Variants in NKAIN3 observed in about 807,000 individuals in gnomAD.
The protein encoded by NKAIN3 is sodium/potassium-transporting ATPase subunit beta-1-interacting protein 3.
In NKAIN3, 25 loss-of-function variants were observed where a neutral mutation model predicts 30.2. That is an observed-to-expected ratio of 0.83 (90% confidence interval 0.60 to 1.16). The LOEUF is 1.16. Ranked by LOEUF, NKAIN3 falls within the 50% of genes most tolerant of loss-of-function variation. The probability of loss-of-function intolerance (pLI) is 0.00; values close to 1 mark genes in which losing one functional copy is unlikely to be tolerated. For missense variants in NKAIN3, 225 were observed against 254.1 expected, an observed-to-expected ratio of 0.89 and a Z score of 0.78; for synonymous variants, 91 against 89.6, an observed-to-expected ratio of 1.02 and a Z score of -0.09.
intron 1 of NKAIN3, among the ~76,000 whole-genome samples, chr8:62,539,575 TTTTG>T (rs915019042): frequency 2.0e-4 from 30 of 152,168 alleles, no homozygotes; most frequent in Admixed American, 3.3e-4. Context: ...TGGGTGGTGT[TTTTG>T]TTTGTTTGTT....
At chr8:62,517,925 T>G (rs764357228) in intron 1 of NKAIN3, among the ~76,000 whole-genome samples, 4 of 146,402 alleles carry the variant, frequency 2.7e-5, no homozygotes, top group Non-Finnish European at 5.9e-5. Context: ...TGTATCTGTA[T>G]CTATATATAT....
chr8:62,450,728 T>C (rs1319380409), intron 1 of NKAIN3, among the ~76,000 whole-genome samples: 2 of 151,612 alleles, frequency 1.3e-5, no homozygotes, highest in Non-Finnish European at 2.9e-5. Context: ...TGTTGTGTAG[T>C]CTGAGATTCT....
intron 1 of NKAIN3, among the ~76,000 whole-genome samples, chr8:62,346,878 C>G (rs1462042430): frequency 3.3e-5 from 5 of 152,082 alleles, no homozygotes; most frequent in Admixed American, 2.0e-4. Flanking sequence ...GCTAAGTAGC[C>G]TACTCGAGGA....
intron 4 of NKAIN3, among the ~76,000 whole-genome samples, chr8:62,748,763 T>C (rs1484732518): frequency 6.6e-6 from 1 of 152,214 alleles, no homozygotes; most frequent in African/African-American, 2.4e-5. Context: ...AGAAAGGGAT[T>C]GCACCTTGAT....
At chr8:62,402,753 T>C (rs893569629) in intron 1 of NKAIN3, among the ~76,000 whole-genome samples, 7 of 152,156 alleles carry the variant, frequency 4.6e-5, no homozygotes, top group African/African-American at 1.7e-4. Context: ...ATCTTGAGTA[T>C]GTCCTTATAG....
intron 1 of NKAIN3, among the ~76,000 whole-genome samples, chr8:62,309,484 A>G (rs1814357775): frequency 1.3e-5 from 2 of 150,466 alleles, no homozygotes; most frequent in Non-Finnish European, 2.9e-5. Context: ...ATCATCACTC[A>G]CCTTGGTCAG....
intron 1 of NKAIN3, among the ~76,000 whole-genome samples, chr8:62,423,136 A>G (rs996280716): frequency 2.1e-4 from 32 of 151,980 alleles, no homozygotes; most frequent in African/African-American, 7.5e-4. Flanking sequence ...GTTTATATCC[A>G]CTGGCCAGAA....
In NKAIN3 at chr8:62,253,980, G is replaced by T. The variant is rs528662286; in HGVS notation, c.54+4853G>T. Among the ~76,000 whole-genome samples the T allele has an allele frequency of 9.9e-5, 15 of 151,858 alleles. No individual in the cohort carries two copies. In the East Asian group the frequency reaches 2.9e-3, roughly 29 times the overall value. On this transcript the variant is annotated intron_variant, in intron 1 of 6. Coordinates refer to ENST00000623646, the MANE Select transcript of NKAIN3 (RefSeq NM_001304533.3). ...CATTCTCTTTCTTTATTTCAATACC[G>T]TGGTTCATGCTATGAAACTTAAAGT...
At chr8:62,902,379 A>C (rs1413071974) in intron 4 of NKAIN3, among the ~76,000 whole-genome samples, 1 of 152,198 alleles carries the variant, frequency 6.6e-6, no homozygotes, top group African/African-American at 2.4e-5. Context: ...TTGAATAAGC[A>C]AGTCTGAGGT....
intron 5 of NKAIN3, among the ~76,000 whole-genome samples, chr8:62,920,572 G>C (rs576802153): frequency 2.0e-5 from 3 of 152,118 alleles, no homozygotes; most frequent in Admixed American, 2.0e-4. Flanking sequence ...GCCAGATATC[G>C]TCGTTCCATT....
intron 4 of NKAIN3, among the ~76,000 whole-genome samples, chr8:62,787,968 T>A (rs963832061): frequency 1.3e-5 from 2 of 152,164 alleles, no homozygotes; most frequent in Non-Finnish European, 2.9e-5. Flanking sequence ...TTTGCTATTG[T>A]GAATAGTGCC....
At chr8:62,285,625 G>A (rs1352174896) in intron 1 of NKAIN3, among the ~76,000 whole-genome samples, 1 of 152,094 alleles carries the variant, frequency 6.6e-6, no homozygotes, top group African/African-American at 2.4e-5. Context: ...CTCTGTGTGA[G>A]CATAGCTGGT....
rs1410848337 is a variant in NKAIN3, at chr8:62,970,336, C to T, written c.*4929C>T. Among the ~76,000 whole-genome samples, 1 of 152,080 alleles carries T rather than the reference C, an allele frequency of 6.6e-6. No homozygotes were observed. The highest frequency in any genetic ancestry group is 1.5e-5 in the Non-Finnish European group (1 of 67,992). On this transcript the variant is annotated 3_prime_UTR_variant, in exon 7 of 7. Transcript: ENST00000623646. ...AATTCAAAAGTTATGGGTAGCATCT[C>T]TTTTTCATCTGAAAAAGCTTAGTTT... is the stretch of plus-strand genomic sequence containing the variant.
At chr8:62,903,433 T>G (rs1239549014) in intron 4 of NKAIN3, among the ~76,000 whole-genome samples, 1 of 152,136 alleles carries the variant, frequency 6.6e-6, no homozygotes, top group African/African-American at 2.4e-5. Context: ...CCGTCTCTCC[T>G]AAGACTTCTT....
chr8:62,641,130 C>T (rs890481929), intron 3 of NKAIN3, among the ~76,000 whole-genome samples: 5 of 151,578 alleles, frequency 3.3e-5, no homozygotes, highest in African/African-American at 1.2e-4. Context: ...CACTCCAGAC[C>T]CACTGAATCA....
intron 3 of NKAIN3, among the ~76,000 whole-genome samples, chr8:62,642,856 A>T (rs1812349677): frequency 2.6e-5 from 4 of 152,100 alleles, no homozygotes. Flanking sequence ...CATATTGTAA[A>T]CAGAAAGACT....
At chr8:62,638,525 G>A (rs891050219) in intron 3 of NKAIN3, among the ~76,000 whole-genome samples, 3 of 152,160 alleles carry the variant, frequency 2.0e-5, no homozygotes, top group South Asian at 2.1e-4. Context: ...TGATTGAAAC[G>A]TCTACATGCC....
chr8:62,493,063 T>G (rs897449274), intron 1 of NKAIN3, among the ~76,000 whole-genome samples: 5 of 152,158 alleles, frequency 3.3e-5, no homozygotes, highest in African/African-American at 1.2e-4. Flanking sequence ...TAGATCCCAT[T>G]TGTTAATGCT....
At chr8:62,436,834 G>C (rs541403394) in intron 1 of NKAIN3, among the ~76,000 whole-genome samples, 23 of 152,242 alleles carry the variant, frequency 1.5e-4, no homozygotes, top group African/African-American at 5.5e-4. Flanking sequence ...AAAAGTACTG[G>C]ACTTCGCACA....
Sources: allele counts gnomAD v4.1 joint callset (sites outside exome capture counted in the v4.1 genomes callset), GRCh38; gene constraint gnomAD v4.1.1; transcripts MANE v1.5; gene names NCBI Gene and HGNC (gene_info 2026-07-23, HGNC 2026-07-21).